SYT9: variants seen among roughly 807,000 people sequenced by gnomAD.
SYT9 encodes the protein synaptotagmin-9.
SYT9 carries 22 observed loss-of-function variants against 48.4 expected under a neutral mutation model. The ratio of observed to expected loss-of-function variants is 0.45; its 90% CI spans 0.32 to 0.65. The LOEUF is 0.65. Among genes scored for constraint, SYT9 ranks in the 30% least tolerant of loss-of-function variants. The probability of loss-of-function intolerance (pLI) is 0.03; values close to 1 mark genes in which losing one functional copy is unlikely to be tolerated. For missense variants in SYT9, 577 were observed against 622.0 expected (o/e 0.93, Z 0.77); for synonymous variants, 265 against 245.0 (o/e 1.08, Z -0.76).
intron 3 of SYT9, among the ~76,000 whole-genome samples, chr11:7,323,467 T>G (rs1412223111): frequency 6.6e-6 from 1 of 152,076 alleles, no homozygotes; most frequent in East Asian, 1.9e-4. Context: ...TCATCTTTTT[T>G]GCTTGTTTTA....
Position 7,252,895 on chromosome 11 carries a change from G to A in SYT9, c.145+564G>A, listed in dbSNP as rs903673147. 1.3e-5 allele frequency among the ~76,000 whole-genome samples: 2 copies of A among 152,230 alleles called. No individual in the cohort carries two copies. The highest frequency in any genetic ancestry group is 4.8e-5 in the African/African-American group (2 of 41,462). The stretch of plus-strand genomic sequence containing the variant: ...AGGGTGCTTCTGGCCTTGGGCAGAC[G>A]GGCCTGAACCCGTTCCCGGCGGGTC... On this transcript the variant is annotated intron_variant, in intron 1 of 6. Coordinates refer to ENST00000318881, the MANE Select transcript of SYT9 (RefSeq NM_175733.4). The surrounding 1 kb of genome is among the most constrained non-coding windows in gnomAD (Gnocchi z 6.3).
intron 3 of SYT9, chr11:7,314,298 T>C: frequency 2.3e-6 from 1 of 426,458 alleles, no homozygotes; most frequent in Non-Finnish European, 4.6e-6. Flanking sequence ...CTATTAACTG[T>C]AGTCTGCAGC....
At chr11:7,240,719 T>G (rs1035692383) in intron 1 of SYT9, among the ~76,000 whole-genome samples, 1 of 152,206 alleles carries the variant, frequency 6.6e-6, no homozygotes, top group Non-Finnish European at 1.5e-5. Flanking sequence ...AAAATTAAGA[T>G]GTACTTTTGT....
intron 3 of SYT9, among the ~76,000 whole-genome samples, chr11:7,342,092 T>C (rs1278841868): frequency 6.6e-6 from 1 of 152,108 alleles, no homozygotes; most frequent in African/African-American, 2.4e-5. Context: ...TCCCCCAGCA[T>C]GTGGAAATTA....
chr11:7,457,867 G>A (rs142714487), intron 6 of SYT9: 1 of 152,262 alleles, frequency 6.6e-6, no homozygotes, highest in African/African-American at 2.4e-5. Flanking sequence ...TGCAAGCCTG[G>A]GGTCACTATT....
intron 3 of SYT9, among the ~76,000 whole-genome samples, chr11:7,404,277 A>T (rs1846959972): frequency 6.6e-6 from 1 of 152,136 alleles, no homozygotes; most frequent in South Asian, 2.1e-4. Context: ...AGAGGTTCAG[A>T]CCATTCACAT....
intron 1 of SYT9, among the ~76,000 whole-genome samples, chr11:7,280,715 T>C (rs1297973607): frequency 6.6e-6 from 1 of 152,178 alleles, no homozygotes; most frequent in Non-Finnish European, 1.5e-5. Flanking sequence ...AGTGCATCAA[T>C]ATCTGGTATT....
At chr11:7,277,175 C>T in intron 1 of SYT9, among the ~76,000 whole-genome samples, 1 of 152,178 alleles carries the variant, frequency 6.6e-6, no homozygotes, top group East Asian at 1.9e-4. Flanking sequence ...TTTTTATTCT[C>T]TTCATCTAAC....
At chr11:7,399,646 G>C (rs1162128989) in intron 3 of SYT9, among the ~76,000 whole-genome samples, 1 of 152,200 alleles carries the variant, frequency 6.6e-6, no homozygotes, top group Non-Finnish European at 1.5e-5. Flanking sequence ...ACACATCACT[G>C]TTTTGGTGTT....
intron 3 of SYT9, among the ~76,000 whole-genome samples, chr11:7,402,029 ATT>A (rs1364395214): frequency 4.6e-5 from 7 of 151,936 alleles, no homozygotes; most frequent in African/African-American, 1.7e-4. Flanking sequence ...AGATTTTGAT[ATT>A]TGTGTTTTTA....
At chr11:7,325,183 A>C (rs1238508585) in intron 3 of SYT9, among the ~76,000 whole-genome samples, 22 of 151,548 alleles carry the variant, frequency 1.5e-4, no homozygotes, top group Admixed American at 1.4e-3. Context: ...ATGGCATTGA[A>C]TCTGTAAATT....
intron 3 of SYT9, among the ~76,000 whole-genome samples, chr11:7,370,655 A>G (rs894229059): frequency 2.5e-4 from 38 of 152,172 alleles, no homozygotes; most frequent in African/African-American, 8.4e-4. Context: ...AAGAAAACAC[A>G]TGCACAAGGA....
rs202140800 is a variant in SYT9 at position 7,266,836 on chromosome 11, A to T, written c.145+14505A>T. 5.9e-5 allele frequency among the ~76,000 whole-genome samples: 9 copies of T among 152,202 alleles called. No homozygotes were observed. In the South Asian group the frequency reaches 8.3e-4, roughly 14 times the overall value. ...GGGAAACTCCTGGAGAAAAGTGAGT[A>T]GTAAATAGTGGCCTTAATGATGCAA... On this transcript the variant is annotated intron_variant, in intron 1 of 6. Coordinates refer to ENST00000318881, the MANE Select transcript of SYT9 (RefSeq NM_175733.4).
intron 3 of SYT9, among the ~76,000 whole-genome samples, chr11:7,381,936 A>G (rs1196972857): frequency 6.6e-6 from 1 of 152,120 alleles, no homozygotes; most frequent in Non-Finnish European, 1.5e-5. Context: ...GGAGGAGGGG[A>G]ATCCCAATCA....
chr11:7,458,958 G>A (rs953910188), intron 6 of SYT9, among the ~76,000 whole-genome samples: 4 of 152,222 alleles, frequency 2.6e-5, no homozygotes, highest in Admixed American at 6.5e-5. Flanking sequence ...AAGGTTGGAC[G>A]TGAGAATACC....
At chr11:7,303,578 A>G (rs536474743) in intron 2 of SYT9, among the ~76,000 whole-genome samples, 188 bp downstream of exon 2, 1 of 152,338 alleles carries the variant, frequency 6.6e-6, no homozygotes, top group East Asian at 1.9e-4. Flanking sequence ...CATAAAAATA[A>G]TAGTTAACAT....
At chr11:7,432,585 AT>A (rs1847622633) in intron 6 of SYT9, among the ~76,000 whole-genome samples, 1 of 2,652 alleles carries the variant, frequency 3.8e-4, no homozygotes, top group Admixed American at 5.0e-3. Context: ...AAAAAAAAAT[AT>A]ATATACATAT....
upstream of SYT9, among the ~76,000 whole-genome samples, chr11:7,249,974 C>A (rs1392506423): frequency 1.3e-5 from 2 of 152,202 alleles, no homozygotes; most frequent in Non-Finnish European, 2.9e-5. Flanking sequence ...CCCCTCTGTA[C>A]AATCTTTCCT....
intron 3 of SYT9, among the ~76,000 whole-genome samples, chr11:7,369,794 AAC>A (rs58554896): frequency 0.042 from 6,005 of 143,868 alleles, 273 homozygotes; most frequent in African/African-American, 0.11. Flanking sequence ...CACACACACA[AAC>A]ACACACACAC....
Sources: gnomAD v4.1 joint callset for allele counts (sites outside exome capture counted in the v4.1 genomes callset) on GRCh38, gnomAD v4.1.1 for gene constraint, Gnocchi (gnomAD v3.1) non-coding constraint, MANE v1.5 for transcripts, NCBI Gene and HGNC (gene_info 2026-07-23, HGNC 2026-07-21) for gene names.